PALD1: variants seen among roughly 807,000 people sequenced by gnomAD.
The protein encoded by PALD1 is phosphatase domain containing paladin 1, also known as paladin.
Under a neutral mutation model 96.0 loss-of-function variants are expected in PALD1, and 57 were observed. The ratio of observed to expected loss-of-function variants is 0.59; its 90% CI spans 0.48 to 0.74. The LOEUF is 0.74. Ranked by LOEUF, PALD1 falls within the 30% of genes least tolerant of loss-of-function variation. The probability of loss-of-function intolerance (pLI) is 0.00; values close to 1 mark genes in which losing one functional copy is unlikely to be tolerated. For missense variants in PALD1, 1,063 were observed against 1,143.7 expected, an observed-to-expected ratio of 0.93 and a Z score of 1.02; for synonymous variants, 464 against 473.6, an observed-to-expected ratio of 0.98 and a Z score of 0.26.
intron 1 of PALD1, among the ~76,000 whole-genome samples, chr10:70,515,657 G>A (rs767510392): frequency 1.3e-5 from 2 of 152,148 alleles, no homozygotes; most frequent in Admixed American, 6.5e-5. Context: ...GCTGTGTGTC[G>A]GGCCATCCAG....
At chr10:70,492,168 G>C (rs1282804698) in intron 1 of PALD1, among the ~76,000 whole-genome samples, 1 of 152,168 alleles carries the variant, frequency 6.6e-6, no homozygotes, top group Non-Finnish European at 1.5e-5. Context: ...TTTTGAGTTT[G>C]ATGTTCTGGA....
At chr10:70,501,042 C>T (rs531643781) in intron 1 of PALD1, among the ~76,000 whole-genome samples, 9 of 152,310 alleles carry the variant, frequency 5.9e-5, no homozygotes, top group Middle Eastern at 3.4e-3. Flanking sequence ...GTCTTTCATC[C>T]GGCAAGGTCA....
chr10:70,487,879 C>T (rs752350402), intron 1 of PALD1, among the ~76,000 whole-genome samples: 17 of 152,236 alleles, frequency 1.1e-4, no homozygotes, highest in Non-Finnish European at 2.1e-4. Context: ...TGTAGCCGGT[C>T]ACCACTCCCA....
chr10:70,553,312 T>C (rs1847519686), intron 18 of PALD1, among the ~76,000 whole-genome samples: 1 of 152,206 alleles, frequency 6.6e-6, no homozygotes, highest in Non-Finnish European at 1.5e-5. Context: ...GTTTGGGAGA[T>C]GCTTGTCTAA....
chr10:70,484,046 A>C (rs1318140138), intron 1 of PALD1, among the ~76,000 whole-genome samples: 1 of 152,196 alleles, frequency 6.6e-6, no homozygotes, highest in African/African-American at 2.4e-5. Flanking sequence ...TCTGTTGCCC[A>C]GGCTGGAGTG....
chr10:70,556,310 C>G (rs1589218849), intron 18 of PALD1, among the ~76,000 whole-genome samples: 1 of 151,510 alleles, frequency 6.6e-6, no homozygotes, highest in Admixed American at 6.6e-5. Flanking sequence ...CTCTCTCTGT[C>G]TCTGTCTCTC....
chr10:70,530,380 A>C (rs948134097), intron 4 of PALD1, among the ~76,000 whole-genome samples: 1 of 152,124 alleles, frequency 6.6e-6, no homozygotes, highest in Non-Finnish European at 1.5e-5. Context: ...TCATAATTTG[A>C]CAGCTTGCTG....
Position 70,532,693 on chromosome 10 carries a change from C to T in PALD1, c.706C>T (p.Pro236Ser), listed in dbSNP as rs191087909. ...YHNTEDLWGEPHAVAIHGEDD... is the reference protein window; with the variant it reads ...YHNTEDLWGESHAVAIHGEDD... ...TAACACCGAGGACCTGTGGGGGGAG[C>T]CCCATGCTGTGGCCATCCATGGTGA... The change falls in exon 6 of 20, where the codon CCC (proline) becomes TCC (serine). Residue 236 changes from proline (P) to serine (S), a missense_variant. Coordinates refer to ENST00000263563, the MANE Select transcript of PALD1 (RefSeq NM_014431.3). 1.2e-6 allele frequency: 2 copies of T among 1,614,006 alleles called. No individual in the cohort carries two copies. The highest frequency in any genetic ancestry group is 1.7e-6 in the Non-Finnish European group (2 of 1,179,998).
chr10:70,521,715 G>A (rs571752196), intron 1 of PALD1, among the ~76,000 whole-genome samples: 1 of 151,416 alleles, frequency 6.6e-6, no homozygotes, highest in Non-Finnish European at 1.5e-5. Flanking sequence ...TTTATTTTTA[G>A]TAGAGACGGG....
At chr10:70,466,677 G>T in the PALD1 span, among the ~76,000 whole-genome samples, 1 of 152,262 alleles carries the variant, frequency 6.6e-6, no homozygotes, top group African/African-American at 2.4e-5. Context: ...AACAATCACC[G>T]AGGCTTTTAA....
the PALD1 span, among the ~76,000 whole-genome samples, chr10:70,461,151 G>A: frequency 7.9e-5 from 12 of 152,332 alleles, no homozygotes; most frequent in African/African-American, 1.9e-4. Flanking sequence ...CCTTCTTTCC[G>A]CTTCTAGAGT....
At chr10:70,498,850 C>T (rs1846241499) in intron 1 of PALD1, among the ~76,000 whole-genome samples, 1 of 151,516 alleles carries the variant, frequency 6.6e-6, no homozygotes, top group Non-Finnish European at 1.5e-5. Flanking sequence ...ATTGCTTGAA[C>T]CTAGGAGGCA....
intron 10 of PALD1, among the ~76,000 whole-genome samples, chr10:70,537,134 G>T (rs1214940535): frequency 1.3e-5 from 2 of 151,360 alleles, no homozygotes; most frequent in Admixed American, 1.3e-4. Flanking sequence ...TTGAGACAGG[G>T]TCTCACTTTG....
rs1193480464 is a variant in PALD1, at chr10:70,566,584, G to A, written c.2422G>A (p.Ala808Thr). The A allele has an allele frequency of 1.2e-6, 2 of 1,607,562 alleles. No homozygotes were observed. Among genetic ancestry groups the A allele is most frequent in the Admixed American group, 1.7e-5 (1 of 59,420 alleles). ...CCTGCCTCTGCTCTCCTCCCAGGTG[G>A]CATCGAAGGCTGGCATCTACGAGAT... is the stretch of plus-strand genomic sequence containing the variant. ...RPFSTWMQEV[A>T]SKAGIYEILN... Residue 808 changes from alanine to threonine, a missense_variant, in exon 20 of 20, where the codon GCA becomes ACA. Physicochemically the swap from Ala to Thr is moderately conservative, Grantham distance 58. Coordinates refer to ENST00000263563, the MANE Select transcript of PALD1 (RefSeq NM_014431.3).
In PALD1 at chr10:70,538,322, G is replaced by A; in HGVS notation, c.1366G>A (p.Ala456Thr). The A allele has an allele frequency of 6.2e-7, 1 of 1,606,640 alleles. No homozygotes were observed. Among genetic ancestry groups the A allele is most frequent in the Non-Finnish European group, 8.5e-7 (1 of 1,179,882 alleles). ...FALSFSRWLC[A>T]HPELYRLPVT... is the part of the protein sequence containing the mutation. ...CCTCAGTTTCAGCCGCTGGCTGTGT[G>A]CCCACCCTGAGCTGTACCGCCTGCC... Residue 456 changes from alanine (A) to threonine (T), a missense_variant, in exon 12 of 20, where the codon GCC becomes ACC. Transcript: ENST00000263563.
intron 18 of PALD1, among the ~76,000 whole-genome samples, chr10:70,560,547 C>A (rs2132443152): frequency 6.6e-6 from 1 of 152,232 alleles, no homozygotes; most frequent in Admixed American, 6.5e-5. Context: ...ATCCTCAGGT[C>A]AGGATGTGAC....
At chr10:70,535,815 C>T (rs1847104427) in intron 10 of PALD1, among the ~76,000 whole-genome samples, 3 of 152,048 alleles carry the variant, frequency 2.0e-5, no homozygotes, top group Admixed American at 2.0e-4. Context: ...ATTCGTCCAC[C>T]TCAACCTCCT....
At position 70,488,128 on chromosome 10, in the gene PALD1, CTT is replaced by C. The variant is rs61185464; in HGVS notation, c.-30+9079_-30+9080del. Among the ~76,000 whole-genome samples the C allele has an allele frequency of 2.3e-4, 35 of 150,562 alleles. 1 individual carries two copies. Among genetic ancestry groups the C allele is most frequent in the Admixed American group, 1.4e-3 (21 of 15,076 alleles). ...TAAAAATAGTTTAAAATTTCTCTCT[CTT>C]TTTTTTTTTAAGAAGGGCCTCTTTC... On this transcript the variant is annotated intron_variant, in intron 1 of 19. Coordinates refer to ENST00000263563, the MANE Select transcript of PALD1 (RefSeq NM_014431.3).
chr10:70,564,361 C>T lies in PALD1; in HGVS notation c.2263-3C>T. 6.2e-7 allele frequency: 1 copy of T among 1,611,426 alleles called. No homozygotes were observed. On this transcript the variant is annotated splice_region_variant and splice_polypyrimidine_tract_variant and intron_variant, in intron 18 of 19. Transcript: ENST00000263563. Reference sequence around the variant, plus strand: ...ACTGACCCCACCCTGTCCTGTCCTCCAGGCGAAGGCAGCGAAAGAGGCGCA... The same window carrying T: ...ACTGACCCCACCCTGTCCTGTCCTCTAGGCGAAGGCAGCGAAAGAGGCGCA...
Sources: gnomAD v4.1 joint callset for allele counts (sites outside exome capture counted in the v4.1 genomes callset) on GRCh38, gnomAD v4.1.1 for gene constraint, MANE v1.5 for transcripts, NCBI Gene and HGNC (gene_info 2026-07-23, HGNC 2026-07-21) for gene names.